The following MCC variants were observed in gnomAD, a reference collection of about 807,000 sequenced individuals.
MCC encodes the protein colorectal mutant cancer protein.
A neutral mutation model predicts 116.2 loss-of-function variants in MCC; 90 were observed. The ratio of observed to expected loss-of-function variants is 0.77; its 90% CI spans 0.65 to 0.92. The LOEUF (loss-of-function observed/expected upper bound fraction) is 0.92, where lower values mean the gene tolerates loss of function less well. Among genes scored for constraint, MCC ranks in the 40% least tolerant of loss-of-function variants. The pLI is 0.00. For synonymous variants in MCC, 578 were observed against 510.5 expected, an observed-to-expected ratio of 1.13 and a Z score of -1.78; for missense variants, 1,516 against 1,312.2, an observed-to-expected ratio of 1.16 and a Z score of -2.40.
chr5:113,457,431 C>G (rs1771603127), intron 1 of MCC, among the ~76,000 whole-genome samples: 2 of 152,250 alleles, frequency 1.3e-5, no homozygotes, highest in East Asian at 3.9e-4. Flanking sequence ...CTACCCCCGC[C>G]TCCGTGGGCT....
At chr5:113,392,725 T>C (rs559925832) in intron 1 of MCC, among the ~76,000 whole-genome samples, 100 of 152,148 alleles carry the variant, frequency 6.6e-4, no homozygotes, top group Non-Finnish European at 1.2e-3. Flanking sequence ...GGGCTTGAGC[T>C]ACTCCTTTAT....
In MCC at chr5:113,161,311, C is replaced by T. The variant is rs117801443; in HGVS notation, c.628-9889G>A. Reference sequence around the variant, plus strand: ...CAGGGGACATGAATATTTCAGTGCACGCTAAATACTGATGTGATTCCCCAG... The same window carrying T: ...CAGGGGACATGAATATTTCAGTGCATGCTAAATACTGATGTGATTCCCCAG... On this transcript the variant is annotated intron_variant, in intron 3 of 18. Coordinates refer to ENST00000408903, the MANE Select transcript of MCC (RefSeq NM_001085377.2). Among the ~76,000 whole-genome samples the T allele has an allele frequency of 8.6e-4, 131 of 152,182 alleles. No homozygotes were observed. The East Asian group carries it at 0.014, about 17-fold the overall frequency.
chr5:113,228,604 G>A (rs1763832030), intron 3 of MCC, among the ~76,000 whole-genome samples: 1 of 152,158 alleles, frequency 6.6e-6, no homozygotes. Context: ...GTAGGGTATA[G>A]ATCATACAGG....
intron 3 of MCC, among the ~76,000 whole-genome samples, chr5:113,255,888 A>G (rs1764986209): frequency 6.6e-6 from 1 of 152,218 alleles, no homozygotes; most frequent in Non-Finnish European, 1.5e-5. Context: ...CAGCAAAGGG[A>G]GTAATTTAGA....
chr5:113,180,163 G>A (rs1164301340), intron 3 of MCC, among the ~76,000 whole-genome samples: 2 of 151,994 alleles, frequency 1.3e-5, no homozygotes, highest in Admixed American at 6.6e-5. Context: ...TGGACTTCAC[G>A]GGCCCATCTC....
intron 1 of MCC, among the ~76,000 whole-genome samples, chr5:113,459,727 T>G (rs1418898235): frequency 1.3e-5 from 2 of 151,934 alleles, no homozygotes; most frequent in Admixed American, 6.6e-5. Context: ...CTCTCCAATG[T>G]GATCACTGAC....
chr5:113,262,241 C>A (rs1765244696), intron 3 of MCC, among the ~76,000 whole-genome samples: 1 of 151,150 alleles, frequency 6.6e-6, no homozygotes, highest in African/African-American at 2.4e-5. Context: ...AGATTGCTAG[C>A]AAAAGTAATG....
At chr5:113,151,220 T>C (rs768116891) in intron 4 of MCC, 89 bp downstream of exon 4, 7 of 755,770 alleles carry the variant, frequency 9.3e-6, no homozygotes, top group Non-Finnish European at 1.5e-5. Flanking sequence ...ATTTGTTTTG[T>C]GGGAATTTCT....
intron 6 of MCC, among the ~76,000 whole-genome samples, chr5:113,109,596 G>A (rs953109586): frequency 3.9e-5 from 6 of 152,250 alleles, no homozygotes; most frequent in Non-Finnish European, 8.8e-5. Flanking sequence ...CTCTGTGAAT[G>A]CCACTGAACT....
intron 3 of MCC, among the ~76,000 whole-genome samples, chr5:113,216,661 C>A (rs532692250): frequency 3.3e-5 from 5 of 152,332 alleles, no homozygotes; most frequent in Non-Finnish European, 2.9e-5. Context: ...TATTTAAAGG[C>A]TCAGCCATAG....
At position 113,043,520 on chromosome 5, in the gene MCC, G is replaced by A. The variant is rs746844402; in HGVS notation, c.2756+10C>T. The A allele has an allele frequency of 6.2e-7, 1 of 1,612,168 alleles. No homozygotes were observed. Among genetic ancestry groups the A allele is most frequent in the Non-Finnish European group, 8.5e-7 (1 of 1,178,644 alleles). On this transcript the variant is annotated intron_variant, in intron 17 of 18. Transcript: ENST00000408903. Reference sequence around the variant, plus strand: ...ATAAACACCAGCTGGGGTGGGGAAAGGGTGCTTACCGACGAATGGCGTTGG... The same window carrying A: ...ATAAACACCAGCTGGGGTGGGGAAAAGGTGCTTACCGACGAATGGCGTTGG...
At chr5:113,141,445 A>G (rs1008718671) in intron 5 of MCC, among the ~76,000 whole-genome samples, 7 of 152,168 alleles carry the variant, frequency 4.6e-5, no homozygotes, top group African/African-American at 1.7e-4. Flanking sequence ...ACAGATGTCT[A>G]TCTGTCTCTA....
intron 1 of MCC, among the ~76,000 whole-genome samples, chr5:113,429,093 T>G (rs562152028): frequency 7.2e-5 from 11 of 152,270 alleles, no homozygotes; most frequent in African/African-American, 2.6e-4. Context: ...CATATACTCT[T>G]TTTGAGGGGG....
chr5:113,039,110 C>T (rs1751511949), intron 17 of MCC, among the ~76,000 whole-genome samples: 1 of 152,212 alleles, frequency 6.6e-6, no homozygotes, highest in Admixed American at 6.5e-5. Flanking sequence ...GCACCATGCT[C>T]TGCTCCTCAC....
intron 3 of MCC, among the ~76,000 whole-genome samples, chr5:113,333,871 A>ACATATG (rs1561527971): frequency 7.7e-6 from 1 of 129,682 alleles, no homozygotes; most frequent in Admixed American, 7.7e-5. Flanking sequence ...GTATATATGT[A>ACATATG]TTCACATATA....
At chr5:113,041,243 A>G (rs1044128038) in intron 17 of MCC, among the ~76,000 whole-genome samples, 3 of 152,206 alleles carry the variant, frequency 2.0e-5, no homozygotes, top group South Asian at 4.1e-4. Context: ...AGGCCATCCT[A>G]TAAACAGGCC....
chr5:113,234,831 C>A (rs1764071299), intron 3 of MCC, among the ~76,000 whole-genome samples: 1 of 152,110 alleles, frequency 6.6e-6, no homozygotes. Context: ...GTGGCAGGTT[C>A]CTTGTTAAAT....
intron 4 of MCC, among the ~76,000 whole-genome samples, chr5:113,146,215 A>G (rs1759507091): frequency 9.3e-5 from 1 of 10,810 alleles, no homozygotes. Flanking sequence ...GCTACAGGGG[A>G]GGTGATTACA....
chr5:113,091,112 G>C (rs1194679482), intron 8 of MCC, among the ~76,000 whole-genome samples: 1 of 152,224 alleles, frequency 6.6e-6, no homozygotes, highest in Non-Finnish European at 1.5e-5. Flanking sequence ...GCTGTCCACA[G>C]AAGGAATCCT....
Sources: allele counts gnomAD v4.1 joint callset (sites outside exome capture counted in the v4.1 genomes callset), GRCh38; gene constraint gnomAD v4.1.1; transcripts MANE v1.5; gene names NCBI Gene and HGNC (gene_info 2026-07-23, HGNC 2026-07-21).